ACBD6: variants seen among roughly 807,000 people sequenced by gnomAD.
ACBD6 encodes the protein acyl-CoA binding domain containing 6.
A neutral mutation model predicts 37.2 loss-of-function variants in ACBD6; 28 were observed. That is an observed-to-expected ratio of 0.75 (90% CI 0.56 to 1.03). The LOEUF (loss-of-function observed/expected upper bound fraction) is 1.03, where lower values mean the gene tolerates loss of function less well. Among genes scored for constraint, ACBD6 ranks in the 50% least tolerant of loss-of-function variants. ACBD6 has a pLI of 0.00. For missense variants in ACBD6, 340 were observed against 337.4 expected (o/e 1.01, Z -0.06); for synonymous variants, 113 against 126.8 (o/e 0.89, Z 0.73).
At chr1:180,430,284 GT>G in intron 3 of ACBD6, 22 bp from the exon 4 acceptor site, 1 of 1,583,642 alleles carries the variant, frequency 6.3e-7, no homozygotes, top group Non-Finnish European at 8.7e-7. Context: ...AGAAAAAAAA[GT>G]GAAAAAAAGA....
At position 180,344,003 on chromosome 1, in the gene ACBD6, T is replaced by C. The variant is rs188599570; in HGVS notation, c.664-29281A>G. Among the ~76,000 whole-genome samples, 297 of 152,220 alleles carry C rather than the reference T, an allele frequency of 2.0e-3. 2 individuals are homozygous for C. The highest frequency in any genetic ancestry group is 3.4e-3 in the Middle Eastern group (1 of 294). Reference sequence around the variant, plus strand: ...AATAGGGCCCAGAGTAGGGAAAAAGTGCTGATGAGGACCATATTAGACACA... The same window carrying C: ...AATAGGGCCCAGAGTAGGGAAAAAGCGCTGATGAGGACCATATTAGACACA... On this transcript the variant is annotated intron_variant, in intron 6 of 7. Transcript: ENST00000367595.
chr1:180,446,201 C>T (rs1462909113), intron 3 of ACBD6, among the ~76,000 whole-genome samples: 1 of 149,892 alleles, frequency 6.7e-6, no homozygotes, highest in Non-Finnish European at 1.5e-5. Flanking sequence ...TTGGTAGAGA[C>T]AGGGTTTTAC....
intron 6 of ACBD6, among the ~76,000 whole-genome samples, chr1:180,342,369 G>A (rs1652014852): frequency 1.3e-5 from 2 of 152,186 alleles, no homozygotes; most frequent in African/African-American, 2.4e-5. Flanking sequence ...AGGTATTTGA[G>A]TGAAACAAAG....
At chr1:180,473,061 A>G (rs1650629416) in intron 3 of ACBD6, among the ~76,000 whole-genome samples, 1 of 152,248 alleles carries the variant, frequency 6.6e-6, no homozygotes, top group African/African-American at 2.4e-5. Context: ...TGTATGTAGA[A>G]AAAGCAGAAA....
chr1:180,330,807 G>A (rs1462187555), intron 6 of ACBD6, among the ~76,000 whole-genome samples: 1 of 152,182 alleles, frequency 6.6e-6, no homozygotes, highest in Admixed American at 6.5e-5. Flanking sequence ...AGTAAAATAG[G>A]TACAGTGTAA....
intron 7 of ACBD6, among the ~76,000 whole-genome samples, chr1:180,292,270 C>T (rs963357620): frequency 6.6e-6 from 1 of 152,292 alleles, no homozygotes; most frequent in East Asian, 1.9e-4. Flanking sequence ...AAAGAATGGA[C>T]AGCTGAACAA....
intron 8 of ACBD6, chr1:180,281,466 A>G (rs1019113994): frequency 6.6e-6 from 1 of 152,234 alleles, no homozygotes; most frequent in Admixed American, 6.5e-5. Flanking sequence ...ACTGCAAATA[A>G]CATCTTGAGA....
chr1:180,306,449 C>G (rs972577243), intron 7 of ACBD6, among the ~76,000 whole-genome samples: 25 of 152,158 alleles, frequency 1.6e-4, no homozygotes, highest in African/African-American at 3.4e-4. Flanking sequence ...GCCCTGTTAA[C>G]CCCTTCTAGT....
At chr1:180,322,134 C>G (rs1651098734) in intron 6 of ACBD6, among the ~76,000 whole-genome samples, 1 of 152,030 alleles carries the variant, frequency 6.6e-6, no homozygotes, top group African/African-American at 2.4e-5. Context: ...GGTCTTTGTC[C>G]TTCATTCTGA....
At chr1:180,279,944 GAGA>G (rs1649257541) in intron 9 of ACBD6, among the ~76,000 whole-genome samples, 1 of 152,246 alleles carries the variant, frequency 6.6e-6, no homozygotes, top group African/African-American at 2.4e-5. Context: ...TTTGGCTGAA[GAGA>G]AGATCCAAAG....
intron 3 of ACBD6, among the ~76,000 whole-genome samples, chr1:180,478,776 A>G (rs998415010): frequency 6.6e-6 from 1 of 151,892 alleles, no homozygotes; most frequent in Non-Finnish European, 1.5e-5. Context: ...GAGTCACCAC[A>G]CCCAGCCTAT....
At chr1:180,358,295 C>T (rs541858525) in intron 6 of ACBD6, among the ~76,000 whole-genome samples, 5 of 152,158 alleles carry the variant, frequency 3.3e-5, no homozygotes, top group East Asian at 1.9e-4. Flanking sequence ...GGCATGGTGG[C>T]GCATGCCTGT....
At chr1:180,473,893 TTAAAA>T (rs1284266227) in intron 3 of ACBD6, among the ~76,000 whole-genome samples, 2 of 152,048 alleles carry the variant, frequency 1.3e-5, no homozygotes, top group African/African-American at 4.8e-5. Context: ...ATTCACTTGA[TTAAAA>T]TATTTCTTAT....
At chr1:180,304,543 C>G (rs1650270584) in intron 7 of ACBD6, among the ~76,000 whole-genome samples, 1 of 150,580 alleles carries the variant, frequency 6.6e-6, no homozygotes, top group South Asian at 2.1e-4. Context: ...ATCCAACTTA[C>G]AAGGGATGTG....
At chr1:180,476,122 A>T (rs1650774297) in intron 3 of ACBD6, among the ~76,000 whole-genome samples, 1 of 152,218 alleles carries the variant, frequency 6.6e-6, no homozygotes, top group South Asian at 2.1e-4. Flanking sequence ...ACCCAATCCC[A>T]CCAATACCAA....
chr1:180,501,917 AACAAAAC>A, intron 1 of ACBD6, 121 bp downstream of exon 1: 2 of 789,544 alleles, frequency 2.5e-6, no homozygotes, highest in Non-Finnish European at 4.0e-6. Context: ...AAAAAAAAAA[AACAAAAC>A]AAAATACACA....
chr1:180,484,736 G>A (rs1054979543), intron 3 of ACBD6, among the ~76,000 whole-genome samples: 5 of 152,094 alleles, frequency 3.3e-5, no homozygotes, highest in East Asian at 1.9e-4. Context: ...GTATGTATAC[G>A]TATACATACA....
At chr1:180,419,616 T>C (rs188456620) in intron 4 of ACBD6, among the ~76,000 whole-genome samples, 99 of 152,310 alleles carry the variant, frequency 6.5e-4, no homozygotes, top group Non-Finnish European at 1.2e-3. Flanking sequence ...AAAACTTAAC[T>C]ACTAGTAGGC....
In ACBD6 at chr1:180,314,491, C is replaced by T. The variant is rs1043121112; in HGVS notation, c.694+201G>A. On this transcript the variant is annotated intron_variant, in intron 7 of 7. Transcript: ENST00000367595. ...AACTCCTGACCTCAAGTGATCTGCC[C>T]GCCTCAGCCTCCCATAGTGCTGGGA... is the stretch of plus-strand genomic sequence containing the variant. 5.3e-5 allele frequency among the ~76,000 whole-genome samples: 8 copies of T among 152,196 alleles called. 1 individual carries two copies. The South Asian group carries it at 6.2e-4, about 12-fold the overall frequency.
Sources: allele counts gnomAD v4.1 joint callset (sites outside exome capture counted in the v4.1 genomes callset), GRCh38; gene constraint gnomAD v4.1.1; transcripts MANE v1.5; gene names NCBI Gene and HGNC (gene_info 2026-07-23, HGNC 2026-07-21).